Variants in GPHN observed in about 807,000 individuals in gnomAD.
GPHN encodes the protein gephyrin.
GPHN carries 17 observed loss-of-function variants against 95.5 expected under a neutral mutation model. The observed-to-expected ratio is 0.18, with a 90% CI of 0.12 to 0.27. The LOEUF is 0.27. Among genes scored for constraint, GPHN ranks in the 10% least tolerant of loss-of-function variants. The pLI is 1.00. For missense variants in GPHN, 660 were observed against 978.1 expected (o/e 0.67, Z 4.34); for synonymous variants, 320 against 322.5 (o/e 0.99, Z 0.08).
chr14:67,161,660 C>G (rs1348770727), intron 19 of GPHN, among the ~76,000 whole-genome samples: 1 of 152,000 alleles, frequency 6.6e-6, no homozygotes, highest in African/African-American at 2.4e-5. Flanking sequence ...ACTTGGGAGG[C>G]TAAGGCGAGA....
chr14:66,863,467 A>G (rs1018122469), intron 4 of GPHN, among the ~76,000 whole-genome samples: 2 of 152,114 alleles, frequency 1.3e-5, no homozygotes, highest in African/African-American at 4.8e-5. Context: ...GAGAAAAAAA[A>G]TCATAAAATT....
At chr14:67,455,948 A>C in the GPHN span, among the ~76,000 whole-genome samples, 1 of 152,244 alleles carries the variant, frequency 6.6e-6, no homozygotes, top group Non-Finnish European at 1.5e-5. Context: ...CAATTGCAAC[A>C]ATCACAAATT....
At chr14:66,762,752 A>G (rs1412178878) in intron 2 of GPHN, among the ~76,000 whole-genome samples, 1 of 152,160 alleles carries the variant, frequency 6.6e-6, no homozygotes, top group South Asian at 2.1e-4. Context: ...CTTCCCGAGT[A>G]AAGTGGAAGC....
intron 2 of GPHN, among the ~76,000 whole-genome samples, chr14:66,743,726 A>T (rs1168131740): frequency 6.6e-6 from 1 of 152,198 alleles, no homozygotes; most frequent in East Asian, 1.9e-4. Context: ...TGGACGACAG[A>T]GCGAGACTCC....
chr14:67,716,881 CAAAA>C, the GPHN span, among the ~76,000 whole-genome samples: 2 of 85,262 alleles, frequency 2.3e-5, no homozygotes, highest in Non-Finnish European at 2.5e-5. Context: ...GAGTCTCTGT[CAAAA>C]AAAAAAAAAA....
In GPHN at chr14:67,081,371, T is replaced by G. The variant is rs778091539; in HGVS notation, c.1145-7612T>G. Among the ~76,000 whole-genome samples the G allele has an allele frequency of 4.2e-4, 64 of 152,128 alleles. 1 individual carries two copies. Among genetic ancestry groups the G allele is most frequent in the Non-Finnish European group, 3.8e-4 (26 of 67,998 alleles). The stretch of plus-strand genomic sequence containing the variant: ...TTTTCCTGATCATTGGCGATTTTTT[T>G]TATATATTTGTTGACCATTTGTATA... On this transcript the variant is annotated intron_variant, in intron 11 of 22. Coordinates refer to ENST00000478722, the MANE Select transcript of GPHN (RefSeq NM_020806.5).
the GPHN span, chr14:67,473,264 C>A: frequency 9.8e-7 from 1 of 1,015,572 alleles, no homozygotes; most frequent in Non-Finnish European, 1.4e-6. This position sits in a 1 kb window ranked among gnomAD's most constrained non-coding sequence, Gnocchi z 6.5. Context: ...CCCCCAACAC[C>A]GGCCCCCGCG....
At chr14:67,009,451 A>G (rs762099728) in intron 9 of GPHN, among the ~76,000 whole-genome samples, 6 of 152,118 alleles carry the variant, frequency 3.9e-5, no homozygotes, top group Non-Finnish European at 7.4e-5. Context: ...TCAAAAGACT[A>G]TTTATAAATA....
At chr14:66,763,236 CT>C (rs2058827907) in intron 2 of GPHN, among the ~76,000 whole-genome samples, 1 of 129,488 alleles carries the variant, frequency 7.7e-6, no homozygotes, top group Non-Finnish European at 1.7e-5. Flanking sequence ...TTTTTTTTTT[CT>C]TTTTTTATTA....
the GPHN span, chr14:67,359,968 A>C: frequency 1.9e-6 from 1 of 535,350 alleles, no homozygotes; most frequent in Non-Finnish European, 3.3e-6. Context: ...TCGCCTCCCA[A>C]CCCCTCCCCA....
At chr14:66,782,635 C>T (rs1228508381) in intron 3 of GPHN, among the ~76,000 whole-genome samples, 5 of 152,086 alleles carry the variant, frequency 3.3e-5, no homozygotes, top group Admixed American at 6.6e-5. Context: ...CTGGCTAATA[C>T]GGTGGAACCC....
chr14:67,540,882 T>A, the GPHN span, among the ~76,000 whole-genome samples: 1 of 152,296 alleles, frequency 6.6e-6, no homozygotes, highest in Admixed American at 6.5e-5. Context: ...CCTTTTCTCA[T>A]CCTGCATCCA....
the GPHN span, chr14:67,376,296 C>T: frequency 2.6e-6 from 2 of 775,200 alleles, no homozygotes; most frequent in East Asian, 2.8e-5. Context: ...CTTTTTATAC[C>T]CACTTAAAGT....
At chr14:67,390,566 A>G in the GPHN span, 7 of 837,176 alleles carry the variant, frequency 8.4e-6, no homozygotes, top group East Asian at 2.4e-5. Context: ...GTGCCAGGGG[A>G]AGGCAGGATA....
chr14:66,862,602 T>A (rs1006271288), intron 4 of GPHN, among the ~76,000 whole-genome samples: 1 of 151,990 alleles, frequency 6.6e-6, no homozygotes, highest in Non-Finnish European at 1.5e-5. Context: ...AACAAAATAC[T>A]AGCAACCCAA....
intron 13 of GPHN, among the ~76,000 whole-genome samples, chr14:67,105,588 C>G (rs2077989503): frequency 6.6e-6 from 1 of 152,052 alleles, no homozygotes; most frequent in East Asian, 1.9e-4. Flanking sequence ...AGAATGACCT[C>G]TCATATTTCT....
At chr14:67,339,330 A>G in the GPHN span, among the ~76,000 whole-genome samples, 1 of 152,124 alleles carries the variant, frequency 6.6e-6, no homozygotes, top group Admixed American at 6.6e-5. Context: ...TTTGAAATCC[A>G]TTCTCGAATG....
the GPHN span, chr14:67,336,811 G>A: frequency 1.8e-5 from 8 of 454,706 alleles, no homozygotes; most frequent in Admixed American, 1.4e-4. Context: ...TGGTTTTCCA[G>A]TCATTACTGA....
At chr14:67,388,591 G>A in the GPHN span, among the ~76,000 whole-genome samples, 1 of 152,170 alleles carries the variant, frequency 6.6e-6, no homozygotes, top group Non-Finnish European at 1.5e-5. Context: ...CAGAGCCTCT[G>A]ATCCAATATG....
Sources: allele counts gnomAD v4.1 joint callset (sites outside exome capture counted in the v4.1 genomes callset), GRCh38; gene constraint gnomAD v4.1.1; non-coding constraint Gnocchi (gnomAD v3.1); transcripts MANE v1.5; gene names NCBI Gene and HGNC (gene_info 2026-07-23, HGNC 2026-07-21).